Variants in FOXN1 observed in about 807,000 individuals in gnomAD.
The protein encoded by FOXN1 is forkhead box protein N1.
Under a neutral mutation model 49.0 loss-of-function variants are expected in FOXN1, and 15 were observed. The ratio of observed to expected loss-of-function variants is 0.31; its 90% CI spans 0.20 to 0.47. The LOEUF is 0.47. Ranked by LOEUF, FOXN1 falls within the 20% of genes least tolerant of loss-of-function variation. The probability of loss-of-function intolerance (pLI) is 1.00; values close to 1 mark genes in which losing one functional copy is unlikely to be tolerated. For synonymous variants in FOXN1, 356 were observed against 369.0 expected (o/e 0.96, Z 0.40); for missense variants, 800 against 842.8 (o/e 0.95, Z 0.63).
chr17:28,536,915 A>G (rs886807485), intron 8 of FOXN1, among the ~76,000 whole-genome samples: 2 of 151,820 alleles, frequency 1.3e-5, no homozygotes, highest in African/African-American at 4.8e-5. Flanking sequence ...CGGCTTTCAG[A>G]TTGTGCTACA....
At chr17:28,533,297 A>G (rs1254347694) in intron 6 of FOXN1, among the ~76,000 whole-genome samples, 2 of 152,118 alleles carry the variant, frequency 1.3e-5, no homozygotes, top group African/African-American at 4.8e-5. Context: ...CCCCTGCTGA[A>G]CTCAGGGCTG....
rs1041586128 is a variant in FOXN1, at chr17:28,537,684, G to A, written c.*248G>A. On this transcript the variant is annotated 3_prime_UTR_variant, in exon 9 of 9. Transcript: ENST00000579795. ...GGGCCCCCAAAGAGCAAGCGTCTGGGCAAGAGGAAAATGCCCTGTCCCTAG... is the reference window on the plus strand; with the variant it reads ...GGGCCCCCAAAGAGCAAGCGTCTGGACAAGAGGAAAATGCCCTGTCCCTAG... 3.4e-6 allele frequency: 2 copies of A among 596,952 alleles called. No homozygotes were observed. The highest frequency in any genetic ancestry group is 1.9e-5 in the South Asian group (1 of 52,132). 37.0% of individuals were successfully genotyped at this position (596,952 alleles called of 1,614,324 possible). A position where few individuals can be genotyped will look rare whatever the true frequency, so the allele number is the denominator to read the frequency against.
intron 1 of FOXN1, among the ~76,000 whole-genome samples, chr17:28,520,969 C>G (rs76979848): frequency 6.6e-5 from 10 of 152,218 alleles, no homozygotes; most frequent in African/African-American, 2.4e-4. Context: ...CCTGAGGCAA[C>G]GAGAGCATCA....
At chr17:28,533,483 G>GTA (rs1555610610) in intron 6 of FOXN1, among the ~76,000 whole-genome samples, 2 of 104,922 alleles carry the variant, frequency 1.9e-5, no homozygotes, top group African/African-American at 9.4e-5. Flanking sequence ...ATTGGCACGA[G>GTA]CACCCCCCCC....
intron 5 of FOXN1, among the ~76,000 whole-genome samples, chr17:28,529,555 G>C (rs901028103): frequency 1.3e-5 from 2 of 152,182 alleles, no homozygotes; most frequent in Non-Finnish European, 2.9e-5. Flanking sequence ...TGCCTTCCCT[G>C]TGCCTCCCCG....
chr17:28,534,282 C>G lies in FOXN1; in HGVS notation c.928-49C>G, dbSNP rs769067471. On this transcript the variant is annotated intron_variant, in intron 6 of 8. Coordinates refer to ENST00000579795, the MANE Select transcript of FOXN1 (RefSeq NM_001369369.1). The surrounding 1 kb of genome is among the most constrained non-coding windows in gnomAD (Gnocchi z 4.1). ...CTAGAACCCAGACCTGAAGCCCGCTCTGGCTTCCTGAGCCTGGCCTGAATG... is the reference window on the plus strand; with the variant it reads ...CTAGAACCCAGACCTGAAGCCCGCTGTGGCTTCCTGAGCCTGGCCTGAATG... The G allele has an allele frequency of 3.1e-6, 5 of 1,613,670 alleles. No homozygotes were observed. The highest frequency in any genetic ancestry group is 4.2e-6 in the Non-Finnish European group (5 of 1,179,984).
At position 28,537,320 on chromosome 17, in the gene FOXN1, C is replaced by T; in HGVS notation, c.1831C>T (p.Leu611=). The T allele has an allele frequency of 1.9e-6, 3 of 1,613,408 alleles. No homozygotes were observed. Among genetic ancestry groups the T allele is most frequent in the Non-Finnish European group, 2.5e-6 (3 of 1,179,552 alleles). Residue 611 remains leucine (L), a synonymous_variant, in exon 9 of 9, where the codon CTG becomes TTG. Coordinates refer to ENST00000579795, the MANE Select transcript of FOXN1 (RefSeq NM_001369369.1). ...GSGGSGALGD[L]HLTTLYSAFM... is the part of the protein sequence containing the mutation. Reference sequence around the variant, plus strand: ...TGGTGGCTCCGGGGCACTGGGTGACCTGCACCTCACCACCCTCTACTCTGC... The same window carrying T: ...TGGTGGCTCCGGGGCACTGGGTGACTTGCACCTCACCACCCTCTACTCTGC...
At chr17:28,518,589 T>G (rs2069578799) in intron 1 of FOXN1, among the ~76,000 whole-genome samples, 1 of 152,196 alleles carries the variant, frequency 6.6e-6, no homozygotes, top group South Asian at 2.1e-4. Flanking sequence ...CGTCATCCCC[T>G]CTACTCAAGT....
At chr17:28,530,456 C>A (rs1251860874) in intron 5 of FOXN1, among the ~76,000 whole-genome samples, 1 of 152,208 alleles carries the variant, frequency 6.6e-6, no homozygotes, top group Non-Finnish European at 1.5e-5. Flanking sequence ...GTAGCTATTA[C>A]TTTCTTCACT....
chr17:28,524,219 C>A, intron 2 of FOXN1, 127 bp downstream of exon 2: 1 of 1,001,970 alleles, frequency 1.0e-6, no homozygotes, highest in African/African-American at 1.6e-5. Flanking sequence ...CACCAGCAAA[C>A]AAGTCCTCAG....
chr17:28,531,726 C>G (rs889312727), intron 6 of FOXN1, among the ~76,000 whole-genome samples: 2 of 152,128 alleles, frequency 1.3e-5, no homozygotes, highest in Non-Finnish European at 2.9e-5. Context: ...CATCTGTCAC[C>G]CAGGCAGTGG....
intron 3 of FOXN1, among the ~76,000 whole-genome samples, chr17:28,526,649 G>A (rs2069775999): frequency 6.6e-6 from 1 of 152,314 alleles, no homozygotes; most frequent in South Asian, 2.1e-4. Context: ...CCCTGGAGCA[G>A]GGAGCAAAAG....
intron 1 of FOXN1, among the ~76,000 whole-genome samples, chr17:28,520,329 C>T (rs545978715): frequency 1.3e-5 from 2 of 152,210 alleles, no homozygotes; most frequent in Non-Finnish European, 2.9e-5. Context: ...TGACCAGCCC[C>T]TGAGGACCCC....
At position 28,534,609 on chromosome 17, in the gene FOXN1, T is replaced by A. The variant is rs556154610; in HGVS notation, c.1135+71T>A. 9.0e-6 allele frequency: 14 copies of A among 1,550,170 alleles called. No homozygotes were observed. The African/African-American group carries it at 1.4e-4, about 16-fold the overall frequency. On this transcript the variant is annotated intron_variant, in intron 7 of 8. Transcript: ENST00000579795. This position sits in a 1 kb window ranked among gnomAD's most constrained non-coding sequence, Gnocchi z 4.1. Reference sequence around the variant, plus strand: ...AGCCAAAAAAAAAAAAAAGAGAGAATCAGAGAATGAGGCAAGGCCCCGAGT... The same window carrying A: ...AGCCAAAAAAAAAAAAAAGAGAGAAACAGAGAATGAGGCAAGGCCCCGAGT...
At chr17:28,518,765 A>T (rs138747033) in intron 1 of FOXN1, among the ~76,000 whole-genome samples, 1 of 152,182 alleles carries the variant, frequency 6.6e-6, no homozygotes, top group East Asian at 1.9e-4. Flanking sequence ...GAGAGTGAGC[A>T]TCTGGCGGTA....
At chr17:28,527,812 G>A (rs564548596) in intron 4 of FOXN1, among the ~76,000 whole-genome samples, 1 of 152,332 alleles carries the variant, frequency 6.6e-6, no homozygotes, top group Admixed American at 6.5e-5. Flanking sequence ...TAGAAAGGGT[G>A]GGCACCCAGT....
intron 1 of FOXN1, among the ~76,000 whole-genome samples, chr17:28,508,468 G>A (rs2069314192): frequency 6.6e-6 from 1 of 152,128 alleles, no homozygotes; most frequent in Admixed American, 6.5e-5. Context: ...AGTCCCATCT[G>A]GCCTCTAAGA....
intron 1 of FOXN1, among the ~76,000 whole-genome samples, chr17:28,515,379 TCTCCACAGGGTACACC>T (rs1163988982): frequency 6.7e-6 from 1 of 149,984 alleles, no homozygotes; most frequent in Admixed American, 6.6e-5. Context: ...GGTGTACACA[TCTCCACAGGGTACACC>T]CTCCACAGGT....
chr17:28,536,838 T>A (rs553674257), intron 8 of FOXN1, among the ~76,000 whole-genome samples: 1 of 152,214 alleles, frequency 6.6e-6, no homozygotes, highest in African/African-American at 2.4e-5. Flanking sequence ...TGTCAGCCTG[T>A]CAGCAGGCAT....
Sources: allele counts gnomAD v4.1 joint callset (sites outside exome capture counted in the v4.1 genomes callset), GRCh38; gene constraint gnomAD v4.1.1; non-coding constraint Gnocchi (gnomAD v3.1); transcripts MANE v1.5; gene names NCBI Gene and HGNC (gene_info 2026-07-23, HGNC 2026-07-21).